Variants in PIP5K1B observed in about 807,000 individuals in gnomAD.
PIP5K1B encodes phosphatidylinositol-4-phosphate 5-kinase type 1 beta.
In PIP5K1B, 42 loss-of-function variants were observed where a neutral mutation model predicts 67.0. The observed-to-expected ratio is 0.63, with a 90% CI of 0.49 to 0.81. The LOEUF is 0.81. PIP5K1B is among the 30% of genes least tolerant of loss of function. The pLI is 0.00. For synonymous variants in PIP5K1B, 214 were observed against 231.4 expected (o/e 0.92, Z 0.68); for missense variants, 459 against 646.3 (o/e 0.71, Z 3.14).
At chr9:68,885,013 G>C (rs547048144) in intron 6 of PIP5K1B, among the ~76,000 whole-genome samples, 1 of 152,190 alleles carries the variant, frequency 6.6e-6, no homozygotes, top group Non-Finnish European at 1.5e-5. Flanking sequence ...GCACTCCCAT[G>C]TCCACTGCAG....
chr9:68,842,850 T>C (rs200591312), intron 4 of PIP5K1B, among the ~76,000 whole-genome samples: 3 of 152,346 alleles, frequency 2.0e-5, no homozygotes, highest in East Asian at 3.9e-4. Context: ...ACTTATCTGA[T>C]ACTGGGCTTT....
At chr9:68,985,134 T>C (rs1490804791) in intron 14 of PIP5K1B, among the ~76,000 whole-genome samples, 1 of 152,234 alleles carries the variant, frequency 6.6e-6, no homozygotes, top group Admixed American at 6.5e-5. Flanking sequence ...GCAATCTCAC[T>C]GCTACTCAGA....
chr9:68,871,067 A>G (rs910003199), intron 5 of PIP5K1B, among the ~76,000 whole-genome samples: 1 of 152,228 alleles, frequency 6.6e-6, no homozygotes, highest in Non-Finnish European at 1.5e-5. Context: ...GCACTTGGTC[A>G]TCAGGCTCTA....
intron 8 of PIP5K1B, among the ~76,000 whole-genome samples, chr9:68,903,851 A>G (rs1472838622): frequency 6.6e-6 from 1 of 152,220 alleles, no homozygotes; most frequent in Non-Finnish European, 1.5e-5. Flanking sequence ...TTAACATGTA[A>G]AACAAATCAT....
At chr9:68,859,636 G>A (rs17392861) in intron 4 of PIP5K1B, among the ~76,000 whole-genome samples, 1 of 151,970 alleles carries the variant, frequency 6.6e-6, no homozygotes, top group Admixed American at 6.6e-5. Flanking sequence ...ACCCACCACC[G>A]TGTCACTGGT....
At chr9:68,943,760 T>G (rs571175297) in intron 14 of PIP5K1B, among the ~76,000 whole-genome samples, 14 of 152,350 alleles carry the variant, frequency 9.2e-5, no homozygotes, top group Non-Finnish European at 2.9e-5. Context: ...TCAGGCAAAG[T>G]GGTCTGTTTT....
intron 14 of PIP5K1B, among the ~76,000 whole-genome samples, chr9:68,982,574 T>C (rs1272995537): frequency 6.6e-6 from 1 of 151,928 alleles, no homozygotes. Context: ...CTGGCCAACA[T>C]GGTGAAACCC....
intron 14 of PIP5K1B, chr9:68,963,249 TC>T (rs1373328115): frequency 2.2e-6 from 1 of 455,924 alleles, no homozygotes; most frequent in Admixed American, 2.3e-5. Flanking sequence ...ACACCTGTAA[TC>T]CCAGCACTTT....
At chr9:68,936,612 T>C (rs1445448660) in intron 13 of PIP5K1B, among the ~76,000 whole-genome samples, 1 of 152,188 alleles carries the variant, frequency 6.6e-6, no homozygotes, top group East Asian at 1.9e-4. Flanking sequence ...TGTGGTGTTA[T>C]TTCTATTCCT....
intron 12 of PIP5K1B, among the ~76,000 whole-genome samples, chr9:68,928,250 T>C (rs1826809312): frequency 1.3e-5 from 2 of 152,214 alleles, no homozygotes; most frequent in South Asian, 4.1e-4. Context: ...GTCTTTCAGC[T>C]ACTCTTTTTC....
intron 15 of PIP5K1B, among the ~76,000 whole-genome samples, chr9:68,994,979 TAAA>T (rs142876737): frequency 1.4e-5 from 2 of 145,814 alleles, no homozygotes; most frequent in Non-Finnish European, 1.5e-5. Flanking sequence ...CTACAAAAAT[TAAA>T]AAAAAAAAAA....
At chr9:68,782,893 C>G (rs1485057264) in intron 2 of PIP5K1B, 2 of 167,078 alleles carry the variant, frequency 1.2e-5, no homozygotes, top group Non-Finnish European at 2.9e-5. Flanking sequence ...ATTTCCTAAA[C>G]TAGAAACTAT....
At chr9:68,948,784 G>A (rs987466773) in intron 14 of PIP5K1B, among the ~76,000 whole-genome samples, 1 of 151,368 alleles carries the variant, frequency 6.6e-6, no homozygotes, top group African/African-American at 2.4e-5. Flanking sequence ...TTTGCCAGAT[G>A]TCTTTTTTCC....
intron 4 of PIP5K1B, among the ~76,000 whole-genome samples, chr9:68,835,173 T>A (rs1834535874): frequency 6.6e-6 from 1 of 152,244 alleles, no homozygotes; most frequent in Non-Finnish European, 1.5e-5. Flanking sequence ...AACAATAGCC[T>A]AGCAGTTTTA....
intron 1 of PIP5K1B, among the ~76,000 whole-genome samples, chr9:68,724,851 A>T (rs1467853658): frequency 1.3e-5 from 2 of 152,178 alleles, no homozygotes; most frequent in African/African-American, 4.8e-5. Flanking sequence ...TCCTTCTACT[A>T]CTTTTTATTG....
At chr9:68,713,114 T>C (rs2132241654) in intron 1 of PIP5K1B, among the ~76,000 whole-genome samples, 1 of 152,308 alleles carries the variant, frequency 6.6e-6, no homozygotes, top group South Asian at 2.1e-4. Context: ...GAAATGCAGA[T>C]GAGGCCAGGC....
At chr9:68,785,549 C>T (rs895106629) in intron 2 of PIP5K1B, among the ~76,000 whole-genome samples, 1 of 152,192 alleles carries the variant, frequency 6.6e-6, no homozygotes, top group Non-Finnish European at 1.5e-5. Flanking sequence ...TAATAAAATA[C>T]TTGCTATGTG....
At chr9:68,960,766 A>G (rs1376518988) in intron 14 of PIP5K1B, among the ~76,000 whole-genome samples, 3 of 152,186 alleles carry the variant, frequency 2.0e-5, no homozygotes, top group African/African-American at 7.2e-5. Flanking sequence ...GGAAGTAAAT[A>G]ATAGTTGGGG....
intron 1 of PIP5K1B, among the ~76,000 whole-genome samples, chr9:68,721,898 A>G (rs1248826316): frequency 6.6e-6 from 1 of 152,188 alleles, no homozygotes; most frequent in Non-Finnish European, 1.5e-5. Context: ...AGCGTGGCTC[A>G]TTCCGTTGTT....
Sources: gnomAD v4.1 joint callset for allele counts (sites outside exome capture counted in the v4.1 genomes callset) on GRCh38, gnomAD v4.1.1 for gene constraint, MANE v1.5 for transcripts, NCBI Gene and HGNC (gene_info 2026-07-23, HGNC 2026-07-21) for gene names.